The following MYOF variants were observed in gnomAD, a reference collection of about 807,000 sequenced individuals.
MYOF encodes the protein fer-1-like 3, myoferlin.
A neutral mutation model predicts 284.2 loss-of-function variants in MYOF; 244 were observed. The ratio of observed to expected loss-of-function variants is 0.86; its 90% CI spans 0.77 to 0.95. The LOEUF is 0.95. MYOF is among the 40% of genes least tolerant of loss of function. The pLI is 0.00. For synonymous variants in MYOF, 904 were observed against 919.7 expected (o/e 0.98, Z 0.31); for missense variants, 2,496 against 2,560.6 (o/e 0.97, Z 0.54).
intron 27 of MYOF, among the ~76,000 whole-genome samples, chr10:93,362,125 T>G (rs1564650016): frequency 6.6e-6 from 1 of 152,128 alleles, no homozygotes; most frequent in Non-Finnish European, 1.5e-5. Flanking sequence ...AATTTTTGTA[T>G]TTTTAGTAGA....
In MYOF at chr10:93,408,804, T is replaced by G. The variant is rs1245956031; in HGVS notation, c.712A>C (p.Asn238His). 1.1e-5 allele frequency: 18 copies of G among 1,614,034 alleles called. No individual in the cohort carries two copies. The highest frequency in any genetic ancestry group is 1.4e-5 in the Non-Finnish European group (17 of 1,180,030). ...CCCTTTACCTCATCAAAAAAAGGGT[T>G]GTTTCCTCTCTTGATTCTTGTTCGG... The part of the protein sequence containing the change: ...THRTRIKRGN[N>H]PFFDELFFYN... The change falls in exon 7 of 54, where the codon AAC (asparagine) becomes CAC (histidine). Residue 238 changes from asparagine (N) to histidine (H), a missense_variant. Physicochemically the swap from Asn to His is moderately conservative, Grantham distance 68. Around this residue, in one of 3 missense-constraint regions of MYOF, gnomAD observed 2,436 missense variants for 2,480.7 expected, o/e 0.98. Coordinates refer to ENST00000359263, the MANE Select transcript of MYOF (RefSeq NM_013451.4).
chr10:93,325,506 ACT>A (rs745981228), intron 46 of MYOF, among the ~76,000 whole-genome samples: 21 of 152,040 alleles, frequency 1.4e-4, no homozygotes, highest in Middle Eastern at 3.4e-3. Context: ...GCACTCAAGG[ACT>A]CTCTGTAATA....
chr10:93,329,546 C>A (rs75336931), intron 44 of MYOF, 118 bp downstream of exon 44: 7 of 1,028,756 alleles, frequency 6.8e-6, no homozygotes, highest in Non-Finnish European at 1.0e-5. Flanking sequence ...GAAATCCATA[C>A]CTGAGTGATA....
intron 5 of MYOF, among the ~76,000 whole-genome samples, chr10:93,420,002 C>T (rs950179371): frequency 2.6e-5 from 4 of 151,902 alleles, no homozygotes; most frequent in Admixed American, 6.6e-5. Context: ...GCGTGGTGGC[C>T]GGTGCCTGTA....
intron 17 of MYOF, 68 bp downstream of exon 17, chr10:93,392,849 G>T: frequency 1.4e-6 from 2 of 1,408,940 alleles, no homozygotes; most frequent in African/African-American, 1.4e-5. Context: ...AAAGACAGTC[G>T]ATACATTCTT....
Position 93,349,809 on chromosome 10 carries a change from A to G in MYOF, c.4082T>C (p.Val1361Ala). 3 of 1,613,996 alleles carry G rather than the reference A, an allele frequency of 1.9e-6. No individual in the cohort carries two copies. Among genetic ancestry groups the G allele is most frequent in the Non-Finnish European group, 2.5e-6 (3 of 1,179,972 alleles). ...GATCACAGAGAATCGATACTGTACC[A>G]CTTTCATGAAGAGAACAGAACTTGG... ...NFPSSVLFMK[V>A]FLPKEELYMP... The change falls in exon 36 of 54, where the codon GTG becomes GCG. Residue 1361 changes from valine to alanine, a missense_variant and splice_region_variant. By Grantham distance (64) the Val-to-Ala change is moderately conservative (BLOSUM62 0). Transcript: ENST00000359263.
intron 43 of MYOF, among the ~76,000 whole-genome samples, chr10:93,330,923 C>T (rs570658407): frequency 6.6e-6 from 1 of 152,302 alleles, no homozygotes; most frequent in East Asian, 1.9e-4. Flanking sequence ...CCAAACATCA[C>T]ATTTCCAATC....
chr10:93,440,568 CCTCTA>C (rs972959944), intron 3 of MYOF, among the ~76,000 whole-genome samples: 13 of 152,116 alleles, frequency 8.5e-5, no homozygotes, highest in Non-Finnish European at 1.3e-4. Context: ...TTATCTGTTC[CCTCTA>C]CTCAGATGTT....
At chr10:93,395,895 A>AT (rs1004148363) in intron 16 of MYOF, among the ~76,000 whole-genome samples, 4 of 150,148 alleles carry the variant, frequency 2.7e-5, no homozygotes, top group Non-Finnish European at 4.4e-5. Context: ...TGTAAATTTC[A>AT]TTTTTTTCTA....
intron 3 of MYOF, among the ~76,000 whole-genome samples, chr10:93,439,320 C>T (rs1022640908): frequency 6.6e-5 from 10 of 152,222 alleles, no homozygotes; most frequent in African/African-American, 2.4e-4. Flanking sequence ...GGAGGAGATG[C>T]TGAATATTAT....
chr10:93,318,519 G>A (rs752264357), intron 49 of MYOF, among the ~76,000 whole-genome samples: 12 of 152,124 alleles, frequency 7.9e-5, no homozygotes, highest in Admixed American at 2.6e-4. Context: ...AGCACTTTGC[G>A]GGGCCGAGGT....
chr10:93,334,065 C>T (rs920970741), intron 41 of MYOF, 152 bp from the exon 42 acceptor site: 2 of 711,530 alleles, frequency 2.8e-6, no homozygotes, highest in African/African-American at 1.8e-5. Context: ...TTGCATATTT[C>T]CAGTAGGGAA....
intron 43 of MYOF, 34 bp downstream of exon 43, chr10:93,333,187 G>T: frequency 6.4e-7 from 1 of 1,554,140 alleles, no homozygotes; most frequent in Non-Finnish European, 8.9e-7. Context: ...GTGGAGAAAT[G>T]AAGGCCAGAA....
At chr10:93,461,485 GA>G (rs1309697372) in intron 1 of MYOF, among the ~76,000 whole-genome samples, 2 of 152,160 alleles carry the variant, frequency 1.3e-5, no homozygotes, top group Admixed American at 6.5e-5. Flanking sequence ...AAATTCAGAG[GA>G]AAGAAAGGTG....
At chr10:93,307,865 T>TCCGC (rs987539691) in intron 53 of MYOF, among the ~76,000 whole-genome samples, 1 of 150,432 alleles carries the variant, frequency 6.6e-6, no homozygotes, top group African/African-American at 2.4e-5. Context: ...CCTCAGGTGA[T>TCCGC]CCGCCCGCCT....
intron 2 of MYOF, among the ~76,000 whole-genome samples, chr10:93,455,940 C>T (rs1249722844): frequency 6.6e-6 from 1 of 152,084 alleles, no homozygotes; most frequent in African/African-American, 2.4e-5. Context: ...TAGGAAAATC[C>T]TATTCAGTGG....
intron 49 of MYOF, among the ~76,000 whole-genome samples, chr10:93,317,808 T>A (rs556763837): frequency 6.6e-6 from 1 of 152,356 alleles, no homozygotes; most frequent in East Asian, 1.9e-4. Flanking sequence ...ACAGCTCAGG[T>A]ACACCTAAGT....
chr10:93,398,180 C>G (rs1303219021), intron 13 of MYOF, among the ~76,000 whole-genome samples: 1 of 152,134 alleles, frequency 6.6e-6, no homozygotes, highest in African/African-American at 2.4e-5. Flanking sequence ...CTACCGCAGC[C>G]ACATGGGCAG....
At chr10:93,463,111 G>A (rs2056922565) in intron 1 of MYOF, among the ~76,000 whole-genome samples, 1 of 152,136 alleles carries the variant, frequency 6.6e-6, no homozygotes, top group South Asian at 2.1e-4. Flanking sequence ...TCAGTTCTGC[G>A]GAGGTCACCA....
Sources: gnomAD v4.1 joint callset for allele counts (sites outside exome capture counted in the v4.1 genomes callset) on GRCh38, gnomAD v4.1.1 for gene constraint, gnomAD v4.1.1 regional missense constraint, MANE v1.5 for transcripts, NCBI Gene and HGNC (gene_info 2026-07-23, HGNC 2026-07-21) for gene names.